The following FGFR1 variants were observed in gnomAD, a reference collection of about 807,000 sequenced individuals.
The protein encoded by FGFR1 is fibroblast growth factor receptor 1, also known as FGFR1/PLAG1 fusion.
A neutral mutation model predicts 93.7 loss-of-function variants in FGFR1; 18 were observed. The observed-to-expected ratio is 0.19, with a 90% CI of 0.13 to 0.28. The LOEUF (loss-of-function observed/expected upper bound fraction) is 0.28. FGFR1 is among the 10% of genes least tolerant of loss of function. The pLI, the probability that FGFR1 is intolerant of heterozygous loss-of-function variation, is 1.00. For synonymous variants in FGFR1, 448 were observed against 429.3 expected (o/e 1.04, Z -0.54); for missense variants, 731 against 1,080.4 (o/e 0.68, Z 4.53).
intron 1 of FGFR1, 131 bp from the exon 2 acceptor site, chr8:38,457,665 T>C (rs1833232083): frequency 3.6e-6 from 3 of 834,712 alleles, no homozygotes; most frequent in East Asian, 2.7e-5. Context: ...CAGAAGAAAA[T>C]TGTGAAGCTA....
At chr8:38,416,605 G>A (rs759534707) in intron 12 of FGFR1, among the ~76,000 whole-genome samples, 12 of 151,888 alleles carry the variant, frequency 7.9e-5, no homozygotes, top group Non-Finnish European at 1.5e-4. Flanking sequence ...ACAGGCATGC[G>A]CCACCACGCC....
rs1814375897 is a variant in FGFR1, at chr8:38,411,371, C to G, written c.*2257G>C. On this transcript the variant is annotated 3_prime_UTR_variant, in exon 18 of 18. Coordinates refer to ENST00000447712, the MANE Select transcript of FGFR1 (RefSeq NM_023110.3). ...ATCATCACTGTTTTACAAGGAAAGACACTCCTGTGCGGTCTCAAAGCAAAT... is the reference window on the plus strand; with the variant it reads ...ATCATCACTGTTTTACAAGGAAAGAGACTCCTGTGCGGTCTCAAAGCAAAT... 4.5e-6 allele frequency: 1 copy of G among 219,914 alleles called. No individual in the cohort carries two copies. Among genetic ancestry groups the G allele is most frequent in the Admixed American group, 5.8e-5 (1 of 17,300 alleles). 13.6% of individuals were successfully genotyped at this position (219,914 alleles called of 1,614,324 possible).
chr8:38,427,803 G>T, intron 5 of FGFR1, 118 bp downstream of exon 5: 1 of 1,097,508 alleles, frequency 9.1e-7, no homozygotes, highest in Non-Finnish European at 1.4e-6. Context: ...AAATTTTAAT[G>T]AATAACCTGT....
intron 2 of FGFR1, chr8:38,435,753 G>C (rs1825159460): frequency 6.6e-6 from 1 of 152,324 alleles, no homozygotes; most frequent in African/African-American, 2.4e-5. Flanking sequence ...GTGTCCATTA[G>C]CAAGAGAAAA....
intron 1 of FGFR1, chr8:38,466,735 G>C (rs1479128203): frequency 4.6e-6 from 1 of 215,204 alleles, no homozygotes; most frequent in East Asian, 6.8e-5. Context: ...TTAATAATGC[G>C]GCTGCGGTGT....
chr8:38,438,542 C>CAAA (rs544625250), intron 2 of FGFR1, among the ~76,000 whole-genome samples: 2 of 76,344 alleles, frequency 2.6e-5, no homozygotes, highest in Admixed American at 1.5e-4. Context: ...GACTCCGTCT[C>CAAA]AAAAAAAAAA....
chr8:38,413,379 C>A lies in FGFR1; in HGVS notation c.*249G>T. Reference sequence around the variant, plus strand: ...GCAGGGAGGGGTGTTGGTCCAACATCTGGGAGGGGATGAAGTGGCTGGCAG... The same window carrying A: ...GCAGGGAGGGGTGTTGGTCCAACATATGGGAGGGGATGAAGTGGCTGGCAG... On this transcript the variant is annotated 3_prime_UTR_variant, in exon 18 of 18. Transcript: ENST00000447712. The surrounding 1 kb of genome is among the most constrained non-coding windows in gnomAD (Gnocchi z 4.2). The A allele has an allele frequency of 1.8e-6, 1 of 557,308 alleles. No homozygotes were observed. The allele number at this position is 557,308 out of a possible 1,614,324, so 34.5% of individuals were successfully genotyped here. A position where few individuals can be genotyped will look rare whatever the true frequency, so the allele number is the denominator to read the frequency against.
intron 1 of FGFR1, chr8:38,466,646 G>A (rs1006444708): frequency 2.2e-5 from 5 of 227,094 alleles, no homozygotes; most frequent in Non-Finnish European, 4.4e-5. Context: ...CTCCAGAAAT[G>A]TTAAGGAGGG....
chr8:38,450,244 G>A (rs924367473), intron 2 of FGFR1, among the ~76,000 whole-genome samples: 10 of 152,184 alleles, frequency 6.6e-5, no homozygotes, highest in South Asian at 2.1e-4. Flanking sequence ...CCAGGCCCAG[G>A]AGGAAGGCCT....
chr8:38,424,234 C>T lies in FGFR1; in HGVS notation c.936+275G>A. 3.3e-6 allele frequency: 2 copies of T among 599,634 alleles called. No homozygotes were observed. Among genetic ancestry groups the T allele is most frequent in the South Asian group, 3.5e-5 (2 of 57,818 alleles). The allele number at this position is 599,634 out of a possible 1,614,324, so 37.1% of individuals were successfully genotyped here. ...CCAAATGCCTTCCTTGTGTAGCTGA[C>T]CCCAAAGCCCCAGTGACGTTGCTCT... is the stretch of plus-strand genomic sequence containing the variant. On this transcript the variant is annotated intron_variant, in intron 7 of 17. Transcript: ENST00000447712. The surrounding 1 kb of genome is among the most constrained non-coding windows in gnomAD (Gnocchi z 4.3).
At position 38,429,968 on chromosome 8, in the gene FGFR1, G is replaced by T; in HGVS notation, c.92-20C>A. 1 of 1,592,018 alleles carries T rather than the reference G, an allele frequency of 6.3e-7. No homozygotes were observed. The highest frequency in any genetic ancestry group is 8.6e-7 in the Non-Finnish European group (1 of 1,167,900). Reference sequence around the variant, plus strand: ...GCTGGGCTGCAGCCACCACGGGGCCGGGAAGGGAAGCCAAGGGGCGAGAGA... The same window carrying T: ...GCTGGGCTGCAGCCACCACGGGGCCTGGAAGGGAAGCCAAGGGGCGAGAGA... On this transcript the variant is annotated intron_variant, in intron 2 of 17. Coordinates refer to ENST00000447712, the MANE Select transcript of FGFR1 (RefSeq NM_023110.3). This position sits in a 1 kb window ranked among gnomAD's most constrained non-coding sequence, Gnocchi z 4.4.
intron 2 of FGFR1, among the ~76,000 whole-genome samples, chr8:38,442,536 G>A (rs1827878760): frequency 6.6e-6 from 1 of 152,020 alleles, no homozygotes; most frequent in African/African-American, 2.4e-5. Context: ...ATTAAGAGTG[G>A]GGGAGGGTGG....
At position 38,413,091 on chromosome 8, in the gene FGFR1, A is replaced by T. The variant is rs1586074719; in HGVS notation, c.*537T>A. 4.2e-6 allele frequency: 1 copy of T among 238,720 alleles called. No individual in the cohort carries two copies. Among genetic ancestry groups the T allele is most frequent in the Admixed American group, 5.3e-5 (1 of 18,790 alleles). 14.8% of individuals were successfully genotyped at this position (238,720 alleles called of 1,614,324 possible). Reference sequence around the variant, plus strand: ...GCCTCACCATCCTCTGGTACCAGGCATTTGGTCAGCAAAGCAAACTAGTAT... The same window carrying T: ...GCCTCACCATCCTCTGGTACCAGGCTTTTGGTCAGCAAAGCAAACTAGTAT... On this transcript the variant is annotated 3_prime_UTR_variant, in exon 18 of 18. Coordinates refer to ENST00000447712, the MANE Select transcript of FGFR1 (RefSeq NM_023110.3). The surrounding 1 kb of genome is among the most constrained non-coding windows in gnomAD (Gnocchi z 4.2).
At chr8:38,466,894 CA>C (rs759264601) in intron 1 of FGFR1, among the ~76,000 whole-genome samples, 12,995 of 46,750 alleles carry the variant, frequency 0.28, 812 homozygotes, top group South Asian at 0.38. Flanking sequence ...CTTCACACCC[CA>C]CCCCCCCCCC....
Position 38,424,373 on chromosome 8 carries a change from G to T in FGFR1, c.936+136C>A. On this transcript the variant is annotated intron_variant, in intron 7 of 17. Coordinates refer to ENST00000447712, the MANE Select transcript of FGFR1 (RefSeq NM_023110.3). This position sits in a 1 kb window ranked among gnomAD's most constrained non-coding sequence, Gnocchi z 4.3. ...GGGGATGTGGCTAGATCCCTACTGA[G>T]ATGGAGTGTGTGTGCCTGAAGCGTG... The T allele has an allele frequency of 1.1e-6, 1 of 915,652 alleles. No homozygotes were observed. The highest frequency in any genetic ancestry group is 1.8e-6 in the Non-Finnish European group (1 of 561,972). The allele number at this position is 915,652 out of a possible 1,614,324, so 56.7% of individuals were successfully genotyped here. A position where few individuals can be genotyped will look rare whatever the true frequency, so the allele number is the denominator to read the frequency against.
chr8:38,467,859 G>C lies in FGFR1; in HGVS notation c.-89+122C>G, dbSNP rs753890237. ...GAGGTGAAAGGGGCGGGCGGCGAGC[G>C]GAGGGAGGCGCCGGCCCCGGCTGGG... On this transcript the variant is annotated intron_variant, in intron 1 of 17. Transcript: ENST00000447712. The C allele has an allele frequency of 1.2e-3, 266 of 229,534 alleles. 2 individuals are homozygous for C. The highest frequency in any genetic ancestry group is 2.0e-3 in the Non-Finnish European group (228 of 115,758). The allele number at this position is 229,534 out of a possible 1,614,324, so 14.2% of individuals were successfully genotyped here.
chr8:38,421,580 CG>C, intron 8 of FGFR1: 3 of 623,984 alleles, frequency 4.8e-6, no homozygotes, highest in Non-Finnish European at 8.7e-6. Context: ...GGCAGGTGTA[CG>C]GGTGGGAGGC....
chr8:38,414,758 G>A (rs1815746515), intron 14 of FGFR1, 21 bp downstream of exon 14: 3 of 1,614,026 alleles, frequency 1.9e-6, no homozygotes, highest in Non-Finnish European at 8.5e-7. Context: ...ACCAGCACAG[G>A]GCGGCCTTGT....
At chr8:38,451,364 C>T (rs1831026142) in intron 2 of FGFR1, among the ~76,000 whole-genome samples, 1 of 151,952 alleles carries the variant, frequency 6.6e-6, no homozygotes, top group South Asian at 2.1e-4. Context: ...TGTCCCACTA[C>T]CAAACCTGTA....
Sources: allele counts gnomAD v4.1 joint callset (sites outside exome capture counted in the v4.1 genomes callset), GRCh38; gene constraint gnomAD v4.1.1; non-coding constraint Gnocchi (gnomAD v3.1); transcripts MANE v1.5; gene names NCBI Gene and HGNC (gene_info 2026-07-23, HGNC 2026-07-21).